The following LINGO2 variants were observed in gnomAD, a reference collection of about 807,000 sequenced individuals.
LINGO2 encodes the protein leucine-rich repeat and immunoglobulin-like domain-containing nogo receptor-interacting protein 2.
Under a neutral mutation model 30.6 loss-of-function variants are expected in LINGO2, and 14 were observed. The observed-to-expected ratio is 0.46, with a 90% CI of 0.30 to 0.72. The LOEUF is 0.72. Ranked by LOEUF, LINGO2 falls within the 30% of genes least tolerant of loss-of-function variation. The probability of loss-of-function intolerance (pLI) is 0.07; values close to 1 mark genes in which losing one functional copy is unlikely to be tolerated. For missense variants in LINGO2, 729 were observed against 751.7 expected, an observed-to-expected ratio of 0.97 and a Z score of 0.35; for synonymous variants, 317 against 288.5, an observed-to-expected ratio of 1.10 and a Z score of -1.00.
chr9:28,763,923 G>C, the LINGO2 span, among the ~76,000 whole-genome samples: 1 of 151,632 alleles, frequency 6.6e-6, no homozygotes, highest in African/African-American at 2.4e-5. Flanking sequence ...ATAACCTATA[G>C]CAAATGAAAA....
At chr9:28,845,835 A>C in the LINGO2 span, among the ~76,000 whole-genome samples, 1 of 151,766 alleles carries the variant, frequency 6.6e-6, no homozygotes, top group African/African-American at 2.4e-5. Context: ...GAAAACAATA[A>C]ATTTTAATGT....
At chr9:28,548,337 C>G (rs1434633542) in intron 1 of LINGO2, among the ~76,000 whole-genome samples, 1 of 152,054 alleles carries the variant, frequency 6.6e-6, no homozygotes, top group African/African-American at 2.4e-5. Flanking sequence ...TCCTACTACA[C>G]AGTAAACGTA....
At chr9:28,645,771 T>C (rs1307676570) in intron 1 of LINGO2, among the ~76,000 whole-genome samples, 1 of 152,096 alleles carries the variant, frequency 6.6e-6, no homozygotes, top group African/African-American at 2.4e-5. Flanking sequence ...CAGACTATAA[T>C]CAAGTTATCA....
At chr9:28,772,310 T>C in the LINGO2 span, among the ~76,000 whole-genome samples, 3 of 152,216 alleles carry the variant, frequency 2.0e-5, no homozygotes, top group Non-Finnish European at 2.9e-5. Context: ...TAAAAATATA[T>C]GGCTCTGGAG....
chr9:28,718,828 G>T, the LINGO2 span, among the ~76,000 whole-genome samples: 5 of 151,912 alleles, frequency 3.3e-5, no homozygotes, highest in African/African-American at 7.2e-5. Flanking sequence ...TTCCCCTCCT[G>T]AACTTTCTGG....
At chr9:28,108,807 A>G (rs902569051) in intron 4 of LINGO2, among the ~76,000 whole-genome samples, 1 of 152,140 alleles carries the variant, frequency 6.6e-6, no homozygotes, top group African/African-American at 2.4e-5. Context: ...AGAGATAAAT[A>G]TTTTATCCAT....
chr9:28,808,680 T>A, the LINGO2 span, among the ~76,000 whole-genome samples: 4 of 152,216 alleles, frequency 2.6e-5, no homozygotes, highest in Admixed American at 1.3e-4. Flanking sequence ...CATCCAAAAA[T>A]GCATTCCATC....
intron 4 of LINGO2, among the ~76,000 whole-genome samples, chr9:28,154,152 G>A (rs1828071265): frequency 6.6e-6 from 1 of 152,158 alleles, no homozygotes; most frequent in South Asian, 2.1e-4. Flanking sequence ...TTGGGTGATA[G>A]AGAAGACAGA....
chr9:28,247,436 C>G (rs909209586), intron 4 of LINGO2, among the ~76,000 whole-genome samples: 9 of 152,136 alleles, frequency 5.9e-5, no homozygotes, highest in Non-Finnish European at 1.2e-4. Context: ...GGAATGAGAT[C>G]ATGTGTTTTG....
chr9:28,503,879 A>T (rs1243862108), intron 1 of LINGO2, among the ~76,000 whole-genome samples: 1 of 151,912 alleles, frequency 6.6e-6, no homozygotes, highest in Non-Finnish European at 1.5e-5. Context: ...CAATAAAAAT[A>T]AAAAACCAGA....
chr9:28,455,867 A>G (rs899540975), intron 2 of LINGO2, among the ~76,000 whole-genome samples: 6 of 151,980 alleles, frequency 3.9e-5, no homozygotes, highest in Admixed American at 3.3e-4. Context: ...ACACCATGGC[A>G]TTTTTCTTTT....
the LINGO2 span, among the ~76,000 whole-genome samples, chr9:28,833,140 T>G: frequency 6.6e-6 from 1 of 152,208 alleles, no homozygotes; most frequent in South Asian, 2.1e-4. Flanking sequence ...CTCTGGACTG[T>G]GACAGCAGGC....
chr9:28,901,618 T>C, the LINGO2 span, among the ~76,000 whole-genome samples: 3 of 151,848 alleles, frequency 2.0e-5, no homozygotes, highest in African/African-American at 7.2e-5. Flanking sequence ...GATTAAAAAT[T>C]AAGTTATCAG....
At chr9:28,988,370 A>G in the LINGO2 span, among the ~76,000 whole-genome samples, 1 of 151,912 alleles carries the variant, frequency 6.6e-6, no homozygotes, top group Non-Finnish European at 1.5e-5. Flanking sequence ...TTTGCTTTCC[A>G]TTTGCATAGA....
the LINGO2 span, among the ~76,000 whole-genome samples, chr9:29,025,047 T>C: frequency 6.6e-6 from 1 of 152,124 alleles, no homozygotes; most frequent in African/African-American, 2.4e-5. Context: ...AATTCCCTGA[T>C]GGCCCATTCA....
the LINGO2 span, among the ~76,000 whole-genome samples, chr9:29,038,840 G>C: frequency 6.6e-6 from 1 of 152,040 alleles, no homozygotes; most frequent in Non-Finnish European, 1.5e-5. Flanking sequence ...CTGAAGCAAG[G>C]GGAAAACTAA....
intron 4 of LINGO2, among the ~76,000 whole-genome samples, chr9:28,027,764 A>T (rs1431635705): frequency 6.6e-6 from 1 of 152,218 alleles, no homozygotes; most frequent in Non-Finnish European, 1.5e-5. Context: ...TTAGTAGATA[A>T]GAGCTATCAT....
chr9:29,085,281 TAAAAAAAAAAAAAAAAAAAAAA>T, the LINGO2 span, among the ~76,000 whole-genome samples: 2 of 77,036 alleles, frequency 2.6e-5, no homozygotes, highest in Admixed American at 3.1e-4. Flanking sequence ...CTATGGTAAG[TAAAAAAAAAAAAAAAAAAAAAA>T]AAAAAAAAGA....
the LINGO2 span, among the ~76,000 whole-genome samples, chr9:29,205,068 CT>C: frequency 6.6e-6 from 1 of 151,904 alleles, no homozygotes; most frequent in Non-Finnish European, 1.5e-5. Context: ...TTTTCTTTTT[CT>C]TTTTTTCTGT....
Sources: allele counts gnomAD v4.1 joint callset (sites outside exome capture counted in the v4.1 genomes callset), GRCh38; gene constraint gnomAD v4.1.1; transcripts MANE v1.5; gene names NCBI Gene and HGNC (gene_info 2026-07-23, HGNC 2026-07-21).